Variants in NFU1 observed in about 807,000 individuals in gnomAD.
NFU1 encodes NFU1 iron-sulfur cluster scaffold.
In NFU1, 30 loss-of-function variants were observed where a neutral mutation model predicts 32.2. That is an observed-to-expected ratio of 0.93 (90% confidence interval 0.70 to 1.26). The LOEUF is 1.26. Ranked by LOEUF, NFU1 falls within the 50% of genes most tolerant of loss-of-function variation. The pLI, the probability that NFU1 is intolerant of heterozygous loss-of-function variation, is 0.00. For missense variants in NFU1, 306 were observed against 306.6 expected, an observed-to-expected ratio of 1.00 and a Z score of 0.02; for synonymous variants, 112 against 104.6, an observed-to-expected ratio of 1.07 and a Z score of -0.43.
At chr2:69,439,084 C>T (rs1459838054), upstream of NFU1, among the ~76,000 whole-genome samples, 1 of 152,066 alleles carries the variant, frequency 6.6e-6, no homozygotes, top group Non-Finnish European at 1.5e-5. Context: ...CCCAAATCCT[C>T]TTCCACACTC....
chr2:69,400,821 A>C (rs532527323), intron 6 of NFU1, among the ~76,000 whole-genome samples: 175 of 152,228 alleles, frequency 1.1e-3, no homozygotes, highest in Non-Finnish European at 2.1e-3. Flanking sequence ...ATGGTGGCTC[A>C]CACCTATATT....
chr2:69,414,007 A>G (rs1672974105), intron 5 of NFU1, among the ~76,000 whole-genome samples: 2 of 152,142 alleles, frequency 1.3e-5, no homozygotes, highest in Admixed American at 1.3e-4. Context: ...AGATCACGCC[A>G]CTGCACTCCA....
chr2:69,395,981 C>G, downstream of NFU1: 1 of 338,190 alleles, frequency 3.0e-6, no homozygotes, highest in East Asian at 4.8e-5. Flanking sequence ...GTATTTTAAA[C>G]TCCTTCACAC....
At chr2:69,404,615 A>ATATATTTTT (rs1426118283) in intron 6 of NFU1, among the ~76,000 whole-genome samples, 1 of 73,008 alleles carries the variant, frequency 1.4e-5, no homozygotes, top group African/African-American at 6.3e-5. Context: ...ATCTTAGCAA[A>ATATATTTTT]TTTTTTTTTT....
chr2:69,411,786 G>T (rs988772572), intron 5 of NFU1, among the ~76,000 whole-genome samples: 1 of 151,548 alleles, frequency 6.6e-6, no homozygotes, highest in South Asian at 2.1e-4. Flanking sequence ...TAAACACAGG[G>T]TTTTGCCATA....
intron 5 of NFU1, among the ~76,000 whole-genome samples, chr2:69,413,998 G>C (rs1480693152): frequency 6.6e-6 from 1 of 151,908 alleles, no homozygotes; most frequent in Non-Finnish European, 1.5e-5. Context: ...AGTGAGCCGA[G>C]ATCACGCCAC....
chr2:69,401,424 G>A (rs1480701161), intron 6 of NFU1, among the ~76,000 whole-genome samples: 1 of 152,096 alleles, frequency 6.6e-6, no homozygotes, highest in African/African-American at 2.4e-5. Flanking sequence ...CACCTATGTT[G>A]CTGAGTATAG....
intron 1 of NFU1, 71 bp from the exon 2 acceptor site, chr2:69,432,076 A>T: frequency 2.0e-6 from 2 of 1,001,326 alleles, no homozygotes; most frequent in Non-Finnish European, 3.1e-6. Flanking sequence ...TCTACTTCTC[A>T]TGTATAAAAA....
intron 5 of NFU1, among the ~76,000 whole-genome samples, chr2:69,408,827 C>G (rs895969079): frequency 1.1e-4 from 16 of 142,076 alleles, no homozygotes; most frequent in African/African-American, 3.8e-4. Flanking sequence ...AGATAAATTC[C>G]TACTGGTGGG....
rs143608169 is a variant in NFU1 at position 69,402,879 on chromosome 2, G to A, written c.546-2341C>T. 3.8e-3 allele frequency among the ~76,000 whole-genome samples: 571 copies of A among 151,648 alleles called. 3 individuals carry two copies. The highest frequency in any genetic ancestry group is 0.012 in the African/African-American group (510 of 41,352). On this transcript the variant is annotated intron_variant, in intron 6 of 7. Coordinates refer to ENST00000410022, the MANE Select transcript of NFU1 (RefSeq NM_001002755.4). ...ATTACAGGTGTAAGCCACCGCGCCC[G>A]GTCTTTATCTGATTTCTTGTGTCCC... is the stretch of plus-strand genomic sequence containing the variant.
intron 4 of NFU1, chr2:69,416,279 T>C (rs914093718): frequency 3.6e-4 from 53 of 148,544 alleles, no homozygotes; most frequent in African/African-American, 1.3e-3. Flanking sequence ...CATTAATTCA[T>C]TCACTTATTA....
At chr2:69,429,331 A>G (rs1388053334) in intron 2 of NFU1, among the ~76,000 whole-genome samples, 2 of 152,142 alleles carry the variant, frequency 1.3e-5, no homozygotes, top group Non-Finnish European at 2.9e-5. Flanking sequence ...TGGGAGGCCA[A>G]GGCAGGAGGA....
At chr2:69,439,553 C>T (rs1202151790), upstream of NFU1, among the ~76,000 whole-genome samples, 2 of 152,194 alleles carry the variant, frequency 1.3e-5, no homozygotes, top group African/African-American at 4.8e-5. Context: ...TGGAAGGGGA[C>T]CCAAGCAGGT....
At chr2:69,411,984 C>T (rs1029945592) in intron 5 of NFU1, among the ~76,000 whole-genome samples, 2 of 152,080 alleles carry the variant, frequency 1.3e-5, no homozygotes, top group South Asian at 2.1e-4. Context: ...CAGTACTTTG[C>T]GATGCTGAGG....
intron 1 of NFU1, 176 bp downstream of exon 1, chr2:69,437,185 C>T (rs1301795197): frequency 4.3e-6 from 6 of 1,385,612 alleles, no homozygotes; most frequent in Non-Finnish European, 5.7e-6. Flanking sequence ...ACAGAAGCGC[C>T]GAGCTCCCGC....
intron 5 of NFU1, among the ~76,000 whole-genome samples, chr2:69,413,499 C>T (rs1047391758): frequency 1.3e-5 from 2 of 152,100 alleles, no homozygotes; most frequent in African/African-American, 2.4e-5. Context: ...GGGTGGCTCA[C>T]GCCTGTAATC....
intron 4 of NFU1, among the ~76,000 whole-genome samples, chr2:69,417,390 C>A (rs1673091199): frequency 6.6e-6 from 1 of 151,726 alleles, no homozygotes; most frequent in African/African-American, 2.4e-5. Flanking sequence ...CACCTGTAAT[C>A]CCAACATTTT....
Position 69,432,002 on chromosome 2 carries a change from G to A in NFU1, c.66C>T (p.Phe22=). The change falls in exon 2 of 8, where the codon TTC becomes TTT. Residue 22 remains phenylalanine (F), a synonymous_variant. Transcript: ENST00000410022. ...TGTATGGATTCTTCAACATATGACA[G>A]AACCTGCATTTAAAAGCACATAATG... ...AAVAAGLRRR[F]CHMLKNPYTI... is the part of the protein sequence containing the mutation. 1 of 1,600,440 alleles carries A rather than the reference G, an allele frequency of 6.2e-7. No homozygotes were observed. Among genetic ancestry groups the A allele is most frequent in the Non-Finnish European group, 8.6e-7 (1 of 1,167,578 alleles).
At chr2:69,407,046 T>C (rs1672717195) in intron 5 of NFU1, among the ~76,000 whole-genome samples, 1 of 152,182 alleles carries the variant, frequency 6.6e-6, no homozygotes, top group South Asian at 2.1e-4. Context: ...GTAACTTTCC[T>C]AAGGCCTCCC....
Sources: allele counts gnomAD v4.1 joint callset (sites outside exome capture counted in the v4.1 genomes callset), GRCh38; gene constraint gnomAD v4.1.1; transcripts MANE v1.5; gene names NCBI Gene and HGNC (gene_info 2026-07-23, HGNC 2026-07-21).